Variants in CACNA2D3 observed in about 807,000 individuals in gnomAD.
The protein encoded by CACNA2D3 is calcium voltage-gated channel auxiliary subunit alpha2delta 3, also known as voltage-dependent calcium channel subunit alpha-2/delta-3.
In CACNA2D3, 60 loss-of-function variants were observed where a neutral mutation model predicts 160.6. The ratio of observed to expected loss-of-function variants is 0.37; its 90% CI spans 0.30 to 0.46. The LOEUF (loss-of-function observed/expected upper bound fraction) is 0.46, where lower values mean the gene tolerates loss of function less well. Among genes scored for constraint, CACNA2D3 ranks in the 20% least tolerant of loss-of-function variants. CACNA2D3 has a pLI of 1.00. For missense variants in CACNA2D3, 1,205 were observed against 1,365.0 expected (o/e 0.88, Z 1.85); for synonymous variants, 558 against 492.9 (o/e 1.13, Z -1.75).
chr3:55,007,640 A>G (rs1393861199), intron 32 of CACNA2D3, 150 bp from the exon 33 acceptor site: 2 of 581,936 alleles, frequency 3.4e-6, no homozygotes, highest in Non-Finnish European at 5.9e-6. Context: ...GTATCCAACA[A>G]TTTTCTTCAC....
At chr3:55,029,335 T>C (rs1703634419) in intron 35 of CACNA2D3, among the ~76,000 whole-genome samples, 1 of 152,220 alleles carries the variant, frequency 6.6e-6, no homozygotes, top group Non-Finnish European at 1.5e-5. Context: ...GCTATAAGCA[T>C]AGTCCATGCC....
chr3:54,645,142 AATCATG>A (rs1699609732), intron 11 of CACNA2D3, among the ~76,000 whole-genome samples: 15 of 152,224 alleles, frequency 9.9e-5, no homozygotes, highest in Non-Finnish European at 1.8e-4. Flanking sequence ...GGAAACTTAC[AATCATG>A]GCAGAAGGGG....
At chr3:54,998,321 A>C (rs11708949) in intron 31 of CACNA2D3, among the ~76,000 whole-genome samples, 70,757 of 151,638 alleles carry the variant, frequency 0.47, 16,935 homozygotes, top group East Asian at 0.57. Context: ...TTTAATAGAG[A>C]TGGGGTTTTG....
At chr3:54,253,794 G>A (rs1702241281) in intron 2 of CACNA2D3, among the ~76,000 whole-genome samples, 1 of 151,810 alleles carries the variant, frequency 6.6e-6, no homozygotes, top group Non-Finnish European at 1.5e-5. Flanking sequence ...TGTTTTTTGA[G>A]ACAGAGTCTA....
At chr3:54,731,011 T>C (rs1038230327) in intron 11 of CACNA2D3, among the ~76,000 whole-genome samples, 1 of 152,330 alleles carries the variant, frequency 6.6e-6, no homozygotes, top group African/African-American at 2.4e-5. Context: ...CTTTAAAGAC[T>C]GTCAGCCCAT....
At chr3:55,021,627 A>ATATATATATATATATGTG (rs1559465895) in intron 35 of CACNA2D3, among the ~76,000 whole-genome samples, 3 of 111,848 alleles carry the variant, frequency 2.7e-5, no homozygotes, top group African/African-American at 1.3e-4. Context: ...GTGTGTGTGT[A>ATATATATATATATATGTG]TATATATATA....
chr3:54,830,872 TG>T (rs1703861904), intron 14 of CACNA2D3, among the ~76,000 whole-genome samples: 1 of 152,096 alleles, frequency 6.6e-6, no homozygotes. Flanking sequence ...GGCCACTAGA[TG>T]GTGGCAGTGT....
chr3:54,322,540 G>A (rs1276316617), intron 3 of CACNA2D3, among the ~76,000 whole-genome samples: 2 of 152,220 alleles, frequency 1.3e-5, no homozygotes, highest in South Asian at 4.1e-4. Flanking sequence ...CGTGGGCAGG[G>A]CTCAGCAGAG....
intron 2 of CACNA2D3, among the ~76,000 whole-genome samples, chr3:54,218,238 G>A (rs554167317): frequency 3.9e-5 from 6 of 152,274 alleles, no homozygotes; most frequent in African/African-American, 1.4e-4. Flanking sequence ...CACCCCAGGG[G>A]CTGGACTGGC....
At chr3:54,681,156 GA>G (rs942653589) in intron 11 of CACNA2D3, among the ~76,000 whole-genome samples, 1 of 151,812 alleles carries the variant, frequency 6.6e-6, no homozygotes, top group Non-Finnish European at 1.5e-5. Flanking sequence ...AGAAGAGAGA[GA>G]AAGTAGACAA....
rs532822376 is a variant in CACNA2D3, at chr3:54,959,647, A to G, written c.2450-8803A>G. ...GGGAGCTATAACTTGGAAGCTTATA[A>G]TTTTTTAAAGGACATTGATTTGTGC... On this transcript the variant is annotated intron_variant, in intron 27 of 37. Coordinates refer to ENST00000474759, the MANE Select transcript of CACNA2D3 (RefSeq NM_018398.3). Among the ~76,000 whole-genome samples, 160 of 152,270 alleles carry G rather than the reference A, an allele frequency of 1.1e-3. 1 individual carries two copies. Among genetic ancestry groups the G allele is most frequent in the Non-Finnish European group, 1.8e-3 (120 of 68,018 alleles).
chr3:54,336,318 A>G (rs1704377302), intron 3 of CACNA2D3, among the ~76,000 whole-genome samples: 1 of 152,192 alleles, frequency 6.6e-6, no homozygotes, highest in South Asian at 2.1e-4. Context: ...AGGGGCTTCA[A>G]GGCTCTGCTT....
chr3:54,648,463 A>T lies in CACNA2D3; in HGVS notation c.1167+6222A>T, dbSNP rs562492833. On this transcript the variant is annotated intron_variant, in intron 11 of 37. Transcript: ENST00000474759. Reference sequence around the variant, plus strand: ...GAATATGGTTTCCCACCACTAATCTAAAGGAACCTTTTAAAAATTTAGACC... The same window carrying T: ...GAATATGGTTTCCCACCACTAATCTTAAGGAACCTTTTAAAAATTTAGACC... 2.4e-3 allele frequency among the ~76,000 whole-genome samples: 372 copies of T among 152,356 alleles called. 1 individual carries two copies. The highest frequency in any genetic ancestry group is 8.6e-3 in the African/African-American group (356 of 41,580).
intron 2 of CACNA2D3, among the ~76,000 whole-genome samples, chr3:54,296,104 C>T (rs1703337264): frequency 6.6e-6 from 1 of 152,106 alleles, no homozygotes; most frequent in Non-Finnish European, 1.5e-5. Context: ...GGTGCACGTC[C>T]CAGTGGCTTT....
intron 3 of CACNA2D3, among the ~76,000 whole-genome samples, chr3:54,354,670 A>G (rs1437990984): frequency 6.6e-6 from 1 of 152,236 alleles, no homozygotes; most frequent in Non-Finnish European, 1.5e-5. Context: ...TGATTTAACT[A>G]TTCAATTTAA....
chr3:54,783,147 T>C (rs928521267), intron 13 of CACNA2D3, among the ~76,000 whole-genome samples: 4 of 152,068 alleles, frequency 2.6e-5, no homozygotes, highest in Non-Finnish European at 5.9e-5. Context: ...TGCAAGAAGG[T>C]CTCCTGCATA....
At chr3:54,668,251 C>G (rs923252547) in intron 11 of CACNA2D3, among the ~76,000 whole-genome samples, 2 of 152,110 alleles carry the variant, frequency 1.3e-5, no homozygotes, top group African/African-American at 4.8e-5. Flanking sequence ...TGAGTTTTTT[C>G]TCTTTTCTCC....
chr3:54,901,486 G>T (rs182635941), intron 27 of CACNA2D3, among the ~76,000 whole-genome samples: 6 of 152,298 alleles, frequency 3.9e-5, no homozygotes, highest in Admixed American at 6.5e-5. Flanking sequence ...GTCTAGAGAA[G>T]AACGTGCACT....
chr3:54,385,950 C>T (rs9836159), intron 3 of CACNA2D3: 113,814 of 507,414 alleles, frequency 0.22, 13,267 homozygotes, highest in Admixed American at 0.33. Context: ...TATCCTCTAG[C>T]CTATATTTTC....
Sources: gnomAD v4.1 joint callset for allele counts (sites outside exome capture counted in the v4.1 genomes callset) on GRCh38, gnomAD v4.1.1 for gene constraint, MANE v1.5 for transcripts, NCBI Gene and HGNC (gene_info 2026-07-23, HGNC 2026-07-21) for gene names.